Variants in TTC8 observed in about 807,000 individuals in gnomAD.
The protein encoded by TTC8 is tetratricopeptide repeat domain 8, also known as tetratricopeptide repeat protein 8.
TTC8 carries 47 observed loss-of-function variants against 72.5 expected under a neutral mutation model. The observed-to-expected ratio is 0.65, with a 90% CI of 0.51 to 0.83. The LOEUF (loss-of-function observed/expected upper bound fraction) is 0.83. Among genes scored for constraint, TTC8 ranks in the 40% least tolerant of loss-of-function variants. TTC8 has a pLI of 0.00. For synonymous variants in TTC8, 199 were observed against 221.4 expected (o/e 0.90, Z 0.90); for missense variants, 611 against 623.2 (o/e 0.98, Z 0.21).
intron 7 of TTC8, among the ~76,000 whole-genome samples, chr14:88,846,105 G>A (rs1566840804): frequency 1.3e-5 from 2 of 151,948 alleles, no homozygotes; most frequent in African/African-American, 2.4e-5. Flanking sequence ...CCAGGGGTTC[G>A]AGACCAGCCT....
intron 7 of TTC8, among the ~76,000 whole-genome samples, chr14:88,845,403 C>G (rs1262380796): frequency 6.6e-6 from 1 of 152,150 alleles, no homozygotes; most frequent in East Asian, 1.9e-4. Flanking sequence ...AAAAGGCTAT[C>G]TAAGTGGAGA....
At chr14:88,827,094 G>A (rs1229158986) in intron 1 of TTC8, among the ~76,000 whole-genome samples, 1 of 151,926 alleles carries the variant, frequency 6.6e-6, no homozygotes, top group Non-Finnish European at 1.5e-5. Context: ...TTGGTACATC[G>A]GGAAATGTAG....
At chr14:88,836,365 C>T (rs1413597615) in intron 2 of TTC8, among the ~76,000 whole-genome samples, 1 of 151,872 alleles carries the variant, frequency 6.6e-6, no homozygotes. Context: ...TGATAGTACA[C>T]ACCTGTAGTC....
At chr14:88,875,572 G>A (rs943786228) in intron 14 of TTC8, among the ~76,000 whole-genome samples, 1 of 152,136 alleles carries the variant, frequency 6.6e-6, no homozygotes, top group African/African-American at 2.4e-5. Flanking sequence ...TTGCAAGTCA[G>A]TTAGTATCCG....
intron 1 of TTC8, among the ~76,000 whole-genome samples, chr14:88,827,182 A>C (rs1318270533): frequency 6.6e-6 from 1 of 152,178 alleles, no homozygotes; most frequent in African/African-American, 2.4e-5. Flanking sequence ...TTGCACCTAT[A>C]AATTGAGATA....
At chr14:88,853,385 G>T (rs1476847270) in intron 8 of TTC8, among the ~76,000 whole-genome samples, 1 of 152,182 alleles carries the variant, frequency 6.6e-6, no homozygotes, top group Non-Finnish European at 1.5e-5. Flanking sequence ...CAAGTCTGCT[G>T]ATTTCTAGTT....
At chr14:88,862,174 C>T (rs1439342315) in intron 10 of TTC8, among the ~76,000 whole-genome samples, 2 of 151,936 alleles carry the variant, frequency 1.3e-5, no homozygotes, top group Non-Finnish European at 2.9e-5. Flanking sequence ...TGATGATAGC[C>T]GTTCTAACTG....
At chr14:88,866,411 A>ACG (rs1555394038) in intron 10 of TTC8, among the ~76,000 whole-genome samples, 2 of 149,622 alleles carry the variant, frequency 1.3e-5, no homozygotes, top group East Asian at 2.0e-4. Flanking sequence ...ACACACACAC[A>ACG]CACGCACACA....
At position 88,824,759 on chromosome 14, in the gene TTC8, AG is replaced by A; in HGVS notation, c.54del (p.Lys19SerfsTer35). ...CCTGGCCTGGAGCTATTTTAGGCGC[AG>A]GAAGTTCCAGCTCTGCGCCGATCTA... is the stretch of plus-strand genomic sequence containing the variant. ...LLLAWSYFRR[R>X]KFQLCADLCT... On this transcript the variant is annotated frameshift_variant, in exon 1 of 15. Coordinates refer to ENST00000380656, the MANE Select transcript of TTC8 (RefSeq NM_144596.4). LOFTEE classifies it high-confidence loss of function. 6.2e-7 allele frequency: 1 copy of A among 1,613,240 alleles called. No individual in the cohort carries two copies. Among genetic ancestry groups the A allele is most frequent in the African/African-American group, 1.3e-5 (1 of 75,042 alleles).
In TTC8 at chr14:88,870,072, T is replaced by C. The variant is rs2094927396; in HGVS notation, c.923T>C (p.Met308Thr). 3 of 1,613,968 alleles carry C rather than the reference T, an allele frequency of 1.9e-6. No homozygotes were observed. The highest frequency in any genetic ancestry group is 2.5e-6 in the Non-Finnish European group (3 of 1,179,928). The change falls in exon 11 of 15, where the codon ATG becomes ACG. Residue 308 changes from methionine to threonine, a missense_variant. By Grantham distance (81) the Met-to-Thr change is moderately conservative (BLOSUM62 -1). Coordinates refer to ENST00000380656, the MANE Select transcript of TTC8 (RefSeq NM_144596.4). The part of the protein sequence containing the change: ...IARIYEEMNN[M>T]SSAAEYYKEV... ...GATGGAGAATAGGAAATGAACAATATGTCATCAGCAGCAGAATATTACAAA... is the reference window on the plus strand; with the variant it reads ...GATGGAGAATAGGAAATGAACAATACGTCATCAGCAGCAGAATATTACAAA...
At position 88,875,097 on chromosome 14, in the gene TTC8, A is replaced by T. The variant is rs750399419; in HGVS notation, c.1419A>T (p.Thr473=). 1 of 1,611,358 alleles carries T rather than the reference A, an allele frequency of 6.2e-7. No homozygotes were observed. The highest frequency in any genetic ancestry group is 1.1e-5 in the South Asian group (1 of 90,978). Residue 473 remains threonine, a synonymous_variant, in exon 14 of 15, where the codon ACA becomes ACT. Transcript: ENST00000380656. ...ATGAACCGCATTTTAATTTTGCAAC[A>T]ATCTCTGATAAGGTATTCTCTTTCT... The part of the protein sequence containing the change: ...HMYEPHFNFA[T]ISDKIGDLQR...
At chr14:88,861,629 A>G (rs1048863195) in intron 10 of TTC8, among the ~76,000 whole-genome samples, 7 of 152,072 alleles carry the variant, frequency 4.6e-5, no homozygotes, top group Non-Finnish European at 1.0e-4. Context: ...ACTTCTCTTC[A>G]TCCTCCAGTC....
At chr14:88,870,952 C>T (rs1029782295) in intron 11 of TTC8, among the ~76,000 whole-genome samples, 1 of 152,202 alleles carries the variant, frequency 6.6e-6, no homozygotes, top group Admixed American at 6.5e-5. Context: ...CTCATATGAA[C>T]TCGCTTGTCC....
Position 88,866,514 on chromosome 14 carries a change from C to T in TTC8, c.910-3545C>T, listed in dbSNP as rs1176047320. ...TTTTCCTTAGGCTCTTGTTTCCTTT[C>T]AGCCTACACAGTGGCCATTGACCCT... On this transcript the variant is annotated intron_variant, in intron 10 of 14. Transcript: ENST00000380656. Among the ~76,000 whole-genome samples, 4 of 152,100 alleles carry T rather than the reference C, an allele frequency of 2.6e-5. No homozygotes were observed. The East Asian group carries it at 5.8e-4, about 22-fold the overall frequency.
intron 9 of TTC8, among the ~76,000 whole-genome samples, chr14:88,858,061 G>T (rs1162138170): frequency 6.6e-6 from 1 of 151,058 alleles, no homozygotes; most frequent in Admixed American, 6.6e-5. Context: ...TCCTAGATTC[G>T]AGTGATTCTC....
chr14:88,824,578 G>C, upstream of TTC8: 1 of 675,662 alleles, frequency 1.5e-6, no homozygotes, highest in Middle Eastern at 4.0e-4. Flanking sequence ...TCTCAGGCGC[G>C]CTGCGGGCAC....
chr14:88,876,677 T>C (rs953850452), intron 14 of TTC8, among the ~76,000 whole-genome samples: 2 of 152,184 alleles, frequency 1.3e-5, no homozygotes, highest in African/African-American at 4.8e-5. Context: ...TGTTTTTCTT[T>C]GGGAATTAAT....
At chr14:88,878,815 T>C (rs1160765321), downstream of TTC8, 1 of 152,184 alleles carries the variant, frequency 6.6e-6, no homozygotes, top group Non-Finnish European at 1.5e-5. Context: ...TCTGAGCTCT[T>C]TATGGGAATG....
At chr14:88,847,710 T>C (rs1451480188) in intron 7 of TTC8, among the ~76,000 whole-genome samples, 4 of 152,146 alleles carry the variant, frequency 2.6e-5, no homozygotes, top group African/African-American at 9.7e-5. Flanking sequence ...GACTTACTGA[T>C]GCATATGTGT....
Sources: allele counts gnomAD v4.1 joint callset (sites outside exome capture counted in the v4.1 genomes callset), GRCh38; gene constraint gnomAD v4.1.1; transcripts MANE v1.5; gene names NCBI Gene and HGNC (gene_info 2026-07-23, HGNC 2026-07-21).